Variants in GRIK3 observed in about 807,000 individuals in gnomAD.
GRIK3 encodes glutamate receptor ionotropic, kainate 3.
Under a neutral mutation model 102.5 loss-of-function variants are expected in GRIK3, and 29 were observed. That is an observed-to-expected ratio of 0.28 (90% confidence interval 0.21 to 0.39). GRIK3 has a LOEUF of 0.39. Ranked by LOEUF, GRIK3 falls within the 10% of genes least tolerant of loss-of-function variation. GRIK3 has a pLI of 1.00. For missense variants in GRIK3, 908 were observed against 1,252.4 expected, an observed-to-expected ratio of 0.73 and a Z score of 4.15; for synonymous variants, 511 against 504.9, an observed-to-expected ratio of 1.01 and a Z score of -0.16.
intron 5 of GRIK3, among the ~76,000 whole-genome samples, chr1:36,866,281 T>C (rs540543141): frequency 6.6e-6 from 1 of 152,180 alleles, no homozygotes; most frequent in African/African-American, 2.4e-5. Context: ...TGAACCAACA[T>C]GGTCAGGCAT....
intron 1 of GRIK3, among the ~76,000 whole-genome samples, chr1:36,983,456 T>A (rs1642271044): frequency 6.6e-6 from 1 of 152,104 alleles, no homozygotes; most frequent in South Asian, 2.1e-4. Context: ...GGAACACTCA[T>A]AAGAGCTTCC....
chr1:36,863,891 C>T (rs997850015), intron 5 of GRIK3, among the ~76,000 whole-genome samples: 1 of 152,262 alleles, frequency 6.6e-6, no homozygotes, highest in East Asian at 1.9e-4. Flanking sequence ...ACTTAAGCAT[C>T]ACTGAGAAGA....
At chr1:36,885,186 T>C (rs961295555) in intron 2 of GRIK3, among the ~76,000 whole-genome samples, 14 of 152,340 alleles carry the variant, frequency 9.2e-5, no homozygotes, top group African/African-American at 3.4e-4. Context: ...TTGATGAGAC[T>C]GACAATGATA....
At chr1:36,990,081 G>C (rs1557454342) in intron 1 of GRIK3, among the ~76,000 whole-genome samples, 1 of 152,126 alleles carries the variant, frequency 6.6e-6, no homozygotes, top group East Asian at 1.9e-4. Flanking sequence ...CACTGCACTG[G>C]ACAAGGACCT....
At chr1:36,843,368 T>C (rs189344640) in intron 9 of GRIK3, among the ~76,000 whole-genome samples, 1 of 152,298 alleles carries the variant, frequency 6.6e-6, no homozygotes, top group East Asian at 1.9e-4. Context: ...CAGGCACTGA[T>C]TTAAACTCTT....
chr1:36,929,065 G>A (rs747846961), intron 1 of GRIK3, among the ~76,000 whole-genome samples: 6 of 152,022 alleles, frequency 3.9e-5, no homozygotes, highest in South Asian at 2.1e-4. Context: ...TCTTAGTTTC[G>A]ATTTACAGAT....
At chr1:36,997,309 G>A (rs181252037) in intron 1 of GRIK3, among the ~76,000 whole-genome samples, 11 of 152,332 alleles carry the variant, frequency 7.2e-5, no homozygotes, top group Admixed American at 5.2e-4. Flanking sequence ...TTTTAATTAC[G>A]TGTCTCAAAT....
rs567980607 is a variant in GRIK3 at position 36,978,727 on chromosome 1, C to A, written c.115+55267G>T. On this transcript the variant is annotated intron_variant, in intron 1 of 15. Coordinates refer to ENST00000373091, the MANE Select transcript of GRIK3 (RefSeq NM_000831.4). ...CATCTCTCATCATCTAACATGCACGCCAGGCTAGTCCATATGACAGTAGCA... is the reference window on the plus strand; with the variant it reads ...CATCTCTCATCATCTAACATGCACGACAGGCTAGTCCATATGACAGTAGCA... Among the ~76,000 whole-genome samples, 5 of 152,256 alleles carry A rather than the reference C, an allele frequency of 3.3e-5. No homozygotes were observed. The South Asian group carries it at 1.0e-3, about 32-fold the overall frequency.
rs989876939 is a variant in GRIK3, at chr1:36,797,105, T to C, written c.*4746A>G. On this transcript the variant is annotated 3_prime_UTR_variant, in exon 16 of 16. Coordinates refer to ENST00000373091, the MANE Select transcript of GRIK3 (RefSeq NM_000831.4). ...TTCTTCAGGGTCTGGAGCTCTGATG[T>C]GTGGAGGGCCTTCGCCACCCCAAGG... The C allele has an allele frequency of 1.3e-5, 2 of 152,022 alleles. No homozygotes were observed. Among genetic ancestry groups the C allele is most frequent in the African/African-American group, 4.8e-5 (2 of 41,392 alleles). The allele number at this position is 152,022 out of a possible 1,614,324, so 9.4% of individuals were successfully genotyped here. A position where few individuals can be genotyped will look rare whatever the true frequency, so the allele number is the denominator to read the frequency against.
At chr1:36,884,408 C>G (rs1641016455) in intron 2 of GRIK3, among the ~76,000 whole-genome samples, 1 of 152,200 alleles carries the variant, frequency 6.6e-6, no homozygotes, top group Non-Finnish European at 1.5e-5. Flanking sequence ...CCTCACTGCC[C>G]ATTCGTGCTA....
chr1:36,971,962 C>T (rs1183421385), intron 1 of GRIK3, among the ~76,000 whole-genome samples: 1 of 152,174 alleles, frequency 6.6e-6, no homozygotes, highest in Non-Finnish European at 1.5e-5. Context: ...GCGGCAGAAC[C>T]ACTCCCCAGG....
chr1:36,937,413 A>G (rs481047), intron 1 of GRIK3, among the ~76,000 whole-genome samples: 122,811 of 152,196 alleles, frequency 0.81, 50,075 homozygotes, highest in East Asian at 0.99. Flanking sequence ...TCAGTTCTGC[A>G]GTCTAAAATT....
At chr1:36,846,784 C>T (rs1366760360) in intron 9 of GRIK3, among the ~76,000 whole-genome samples, 1 of 152,238 alleles carries the variant, frequency 6.6e-6, no homozygotes, top group Non-Finnish European at 1.5e-5. Context: ...TGGGAACATT[C>T]TCTGGAGCAT....
chr1:37,030,608 G>T (rs1436001251), intron 1 of GRIK3, among the ~76,000 whole-genome samples: 1 of 126,740 alleles, frequency 7.9e-6, no homozygotes, highest in African/African-American at 3.0e-5. Context: ...CCTCCCCACT[G>T]GCTGGCTGGA....
In GRIK3 at chr1:36,850,398, C is replaced by G; in HGVS notation, c.1239G>C (p.Gly413=). Residue 413 remains glycine (G), a synonymous_variant, in exon 9 of 16, where the codon GGG becomes GGC. Coordinates refer to ENST00000373091, the MANE Select transcript of GRIK3 (RefSeq NM_000831.4). The surrounding 1 kb of genome is among the most constrained non-coding windows in gnomAD (Gnocchi z 4.0). ...EKVGVWSPAD[G]LNITEVAKGR... is the part of the protein sequence containing the mutation. ...CTTTGGCAACCTCAGTGATGTTGAG[C>G]CCGTCGGCAGGACTCCACACCCCAA... The G allele has an allele frequency of 6.2e-7, 1 of 1,613,142 alleles. No individual in the cohort carries two copies.
At chr1:37,009,329 T>A (rs1237333540) in intron 1 of GRIK3, among the ~76,000 whole-genome samples, 1 of 152,192 alleles carries the variant, frequency 6.6e-6, no homozygotes, top group East Asian at 1.9e-4. Flanking sequence ...AAGAGGAAAC[T>A]GAGGCCTGGG....
intron 1 of GRIK3, among the ~76,000 whole-genome samples, chr1:37,016,594 C>T (rs1642654766): frequency 6.6e-6 from 1 of 152,060 alleles, no homozygotes; most frequent in Non-Finnish European, 1.5e-5. Flanking sequence ...TTTGTTTACT[C>T]CTGAAAATAA....
At chr1:36,959,862 T>G (rs1421470532) in intron 1 of GRIK3, among the ~76,000 whole-genome samples, 1 of 85,796 alleles carries the variant, frequency 1.2e-5, no homozygotes, top group African/African-American at 4.1e-5. Context: ...TGAGCCTGTG[T>G]GCCCCATGAG....
intron 1 of GRIK3, among the ~76,000 whole-genome samples, chr1:36,971,325 C>T (rs909063655): frequency 6.6e-6 from 1 of 152,196 alleles, no homozygotes; most frequent in Non-Finnish European, 1.5e-5. Context: ...CCTTCCCATA[C>T]AAATGGAAGG....
Sources: allele counts gnomAD v4.1 joint callset (sites outside exome capture counted in the v4.1 genomes callset), GRCh38; gene constraint gnomAD v4.1.1; non-coding constraint Gnocchi (gnomAD v3.1); transcripts MANE v1.5; gene names NCBI Gene and HGNC (gene_info 2026-07-23, HGNC 2026-07-21).